Variants in TEX9 observed in about 807,000 individuals in gnomAD.
TEX9 encodes the protein testis-expressed protein 9.
In TEX9, 74 loss-of-function variants were observed where a neutral mutation model predicts 59.6. The ratio of observed to expected loss-of-function variants is 1.24; its 90% confidence interval spans 1.03 to 1.51. The LOEUF (loss-of-function observed/expected upper bound fraction) is 1.51. TEX9 is among the 40% of genes most tolerant of loss of function. The pLI is 0.00. For missense variants in TEX9, 522 were observed against 447.8 expected (o/e 1.17, Z -1.49); for synonymous variants, 186 against 152.2 (o/e 1.22, Z -1.64).
intron 1 of TEX9, among the ~76,000 whole-genome samples, chr15:56,295,188 T>G (rs1364056178): frequency 1.3e-5 from 2 of 152,150 alleles, no homozygotes; most frequent in Non-Finnish European, 2.9e-5. Flanking sequence ...TGGGGACCAT[T>G]TATTGTACCT....
chr15:56,391,727 T>C (rs1336306685), intron 7 of TEX9, among the ~76,000 whole-genome samples: 3 of 152,104 alleles, frequency 2.0e-5, no homozygotes, highest in Admixed American at 1.3e-4. Context: ...ACTGATTTGA[T>C]TGAATACATT....
intron 1 of TEX9, among the ~76,000 whole-genome samples, chr15:56,310,728 T>C (rs2045591840): frequency 6.6e-6 from 1 of 152,084 alleles, no homozygotes; most frequent in South Asian, 2.1e-4. Context: ...GAATAGCAAG[T>C]CTTCTGAGCA....
intron 1 of TEX9, among the ~76,000 whole-genome samples, chr15:56,356,989 G>A (rs1046311866): frequency 1.3e-5 from 2 of 152,044 alleles, no homozygotes; most frequent in African/African-American, 4.8e-5. Flanking sequence ...CATTTAGTCG[G>A]TCTAATCAAA....
upstream of TEX9, among the ~76,000 whole-genome samples, chr15:56,360,796 C>A (rs1290348551): frequency 2.0e-5 from 3 of 152,160 alleles, no homozygotes; most frequent in Non-Finnish European, 4.4e-5. Context: ...TCTGTCTTAG[C>A]CATTGCAGAG....
At chr15:56,440,309 T>C in intron 12 of TEX9, among the ~76,000 whole-genome samples, 1 of 152,162 alleles carries the variant, frequency 6.6e-6, no homozygotes, top group East Asian at 1.9e-4. Flanking sequence ...ATAAACTGTG[T>C]TAACACCAAA....
intron 10 of TEX9, among the ~76,000 whole-genome samples, chr15:56,423,842 G>A (rs1355736932): frequency 1.3e-5 from 2 of 152,102 alleles, no homozygotes; most frequent in Non-Finnish European, 2.9e-5. Context: ...CTTTAGTGGT[G>A]ATTTCTGAGA....
At chr15:56,295,151 C>T (rs2141527998) in intron 1 of TEX9, among the ~76,000 whole-genome samples, 1 of 152,190 alleles carries the variant, frequency 6.6e-6, no homozygotes, top group South Asian at 2.1e-4. Flanking sequence ...GAAACAGACA[C>T]AGTTCTGACC....
intron 12 of TEX9, among the ~76,000 whole-genome samples, chr15:56,435,638 C>G (rs191869312): frequency 1.3e-4 from 20 of 152,082 alleles, no homozygotes; most frequent in South Asian, 4.2e-4. Context: ...ATAAGGTAAT[C>G]TGAATAGTCC....
chr15:56,293,302 A>G (rs1449999183), intron 1 of TEX9, among the ~76,000 whole-genome samples: 1 of 152,144 alleles, frequency 6.6e-6, no homozygotes, highest in East Asian at 1.9e-4. Flanking sequence ...GTGCCACTGC[A>G]CTCCAGCATG....
At chr15:56,300,010 G>A (rs2045305557) in intron 1 of TEX9, among the ~76,000 whole-genome samples, 1 of 152,112 alleles carries the variant, frequency 6.6e-6, no homozygotes, top group Non-Finnish European at 1.5e-5. Context: ...AGGAGACTTT[G>A]TCTTTCAGCT....
intron 1 of TEX9, among the ~76,000 whole-genome samples, chr15:56,264,410 A>G (rs918846691): frequency 3.3e-5 from 5 of 152,082 alleles, no homozygotes; most frequent in South Asian, 2.1e-4. Flanking sequence ...ATCTTTCACA[A>G]AGTTTTTTCC....
chr15:56,322,955 G>C (rs1471433202), intron 1 of TEX9, among the ~76,000 whole-genome samples: 2 of 152,052 alleles, frequency 1.3e-5, no homozygotes, highest in African/African-American at 4.8e-5. Context: ...AGGAGAAGAA[G>C]GAGGAGGAAA....
intron 1 of TEX9, among the ~76,000 whole-genome samples, chr15:56,309,693 G>GTTTTTTTTTTTTTTTTTTT (rs60648387): frequency 3.3e-5 from 2 of 60,786 alleles, no homozygotes; most frequent in African/African-American, 7.3e-5. Flanking sequence ...TTTATGGGAA[G>GTTTTTTTTTTTTTTTTTTT]TTTTTTTTTT....
chr15:56,269,976 T>G (rs1351624082), intron 1 of TEX9, among the ~76,000 whole-genome samples: 2 of 152,186 alleles, frequency 1.3e-5, no homozygotes, highest in Non-Finnish European at 2.9e-5. Context: ...TTCTTAATCC[T>G]GAGTTCTAAT....
chr15:56,433,840 T>C (rs768943209), intron 12 of TEX9, among the ~76,000 whole-genome samples: 1 of 152,172 alleles, frequency 6.6e-6, no homozygotes, highest in Non-Finnish European at 1.5e-5. Context: ...CACATGTACA[T>C]GACATATTTA....
At chr15:56,275,813 T>A (rs562369506) in intron 1 of TEX9, among the ~76,000 whole-genome samples, 103 of 152,132 alleles carry the variant, frequency 6.8e-4, no homozygotes, top group Admixed American at 5.0e-3. Context: ...TGTTTAGCTT[T>A]AAAAAAAATT....
At chr15:56,289,677 G>T (rs148010031) in intron 1 of TEX9, among the ~76,000 whole-genome samples, 6 of 152,296 alleles carry the variant, frequency 3.9e-5, no homozygotes, top group African/African-American at 1.4e-4. Flanking sequence ...TGGGTCTGGC[G>T]TGTGGGCTCA....
At chr15:56,324,038 C>T (rs151278405) in intron 1 of TEX9, among the ~76,000 whole-genome samples, 3 of 152,152 alleles carry the variant, frequency 2.0e-5, no homozygotes, top group African/African-American at 4.8e-5. Context: ...GTATGGGGGT[C>T]GTAAACTGGC....
chr15:56,307,075 A>G (rs1430872438), intron 1 of TEX9, among the ~76,000 whole-genome samples: 1 of 152,152 alleles, frequency 6.6e-6, no homozygotes, highest in East Asian at 1.9e-4. Context: ...TCTAAAATAC[A>G]CTTTCCTGGG....
Sources: allele counts gnomAD v4.1 joint callset (sites outside exome capture counted in the v4.1 genomes callset), GRCh38; gene constraint gnomAD v4.1.1; transcripts MANE v1.5; gene names NCBI Gene and HGNC (gene_info 2026-07-23, HGNC 2026-07-21).